Variants in AGBL4 observed in about 807,000 individuals in gnomAD.
The protein encoded by AGBL4 is cytosolic carboxypeptidase 6.
Under a neutral mutation model 66.4 loss-of-function variants are expected in AGBL4, and 58 were observed. That is an observed-to-expected ratio of 0.87 (90% CI 0.71 to 1.09). The LOEUF (loss-of-function observed/expected upper bound fraction) is 1.09. AGBL4 is among the 50% of genes least tolerant of loss of function. The probability of loss-of-function intolerance (pLI) is 0.00; values close to 1 mark genes in which losing one functional copy is unlikely to be tolerated. For synonymous variants in AGBL4, 234 were observed against 222.9 expected, an observed-to-expected ratio of 1.05 and a Z score of -0.44; for missense variants, 579 against 631.0, an observed-to-expected ratio of 0.92 and a Z score of 0.88.
At chr1:50,021,709 A>C (rs1662455019) in intron 1 of AGBL4, among the ~76,000 whole-genome samples, 1 of 151,528 alleles carries the variant, frequency 6.6e-6, no homozygotes, top group African/African-American at 2.4e-5. Context: ...TATCCTCTGT[A>C]CTCTCCTCAA....
chr1:48,893,936 GA>G (rs1228361084), intron 5 of AGBL4, among the ~76,000 whole-genome samples: 1 of 152,142 alleles, frequency 6.6e-6, no homozygotes, highest in Non-Finnish European at 1.5e-5. Flanking sequence ...GACTGACTAA[GA>G]AAATCATCTA....
intron 2 of AGBL4, among the ~76,000 whole-genome samples, chr1:49,755,929 G>A (rs1310625283): frequency 6.6e-6 from 1 of 152,076 alleles, no homozygotes; most frequent in African/African-American, 2.4e-5. Flanking sequence ...ATGACCCAAT[G>A]TCCCTGTTAT....
At chr1:49,612,733 T>C (rs1645177898) in intron 3 of AGBL4, among the ~76,000 whole-genome samples, 1 of 152,180 alleles carries the variant, frequency 6.6e-6, no homozygotes, top group South Asian at 2.1e-4. Context: ...AAATAACAGA[T>C]GCTGCCAAGG....
rs115295685 is a variant in AGBL4, at chr1:49,367,252, G to C, written c.283-121388C>G. ...ACTGGTGGGAGGTATTTGGGTCATG[G>C]GGGTAGACCCTTTATGAATGGCTTG... On this transcript the variant is annotated intron_variant, in intron 3 of 13. Coordinates refer to ENST00000371839, the MANE Select transcript of AGBL4 (RefSeq NM_032785.4). Among the ~76,000 whole-genome samples the C allele has an allele frequency of 6.6e-3, 1,010 of 152,170 alleles. 6 individuals are homozygous for C. Among genetic ancestry groups the C allele is most frequent in the African/African-American group, 0.023 (949 of 41,564 alleles).
chr1:49,077,074 G>A (rs891581503), intron 4 of AGBL4, among the ~76,000 whole-genome samples: 3 of 149,054 alleles, frequency 2.0e-5, no homozygotes, highest in East Asian at 1.9e-4. Context: ...CATCCATATC[G>A]CTTCAGTGAA....
chr1:49,785,468 A>G (rs926753095), intron 2 of AGBL4, among the ~76,000 whole-genome samples: 1 of 152,016 alleles, frequency 6.6e-6, no homozygotes, highest in African/African-American at 2.4e-5. Context: ...ATTACAAATA[A>G]AAATTTTAAT....
At chr1:49,739,548 C>G (rs540629651) in intron 2 of AGBL4, among the ~76,000 whole-genome samples, 96 of 152,282 alleles carry the variant, frequency 6.3e-4, no homozygotes, top group African/African-American at 2.3e-3. Context: ...TCAGGAAATA[C>G]TGAGAACGCC....
At chr1:49,133,689 G>C (rs962583455) in intron 4 of AGBL4, among the ~76,000 whole-genome samples, 11 of 152,060 alleles carry the variant, frequency 7.2e-5, no homozygotes, top group African/African-American at 2.2e-4. Flanking sequence ...ACAATATGTG[G>C]ATGTTCTTCT....
chr1:49,409,768 T>C (rs1645280201), intron 3 of AGBL4, among the ~76,000 whole-genome samples: 1 of 152,234 alleles, frequency 6.6e-6, no homozygotes, highest in Admixed American at 6.5e-5. Context: ...CAATACGTGC[T>C]ACTTTACTTC....
rs372076917 is a variant in AGBL4 at position 49,236,082 on chromosome 1, T to C, written c.377+9688A>G. Among the ~76,000 whole-genome samples the C allele has an allele frequency of 5.9e-5, 9 of 152,084 alleles. No individual in the cohort carries two copies. The East Asian group carries it at 1.4e-3, about 23-fold the overall frequency. ...TCTCACTCTGTCACCCAGGCTGGAGTGCAGTGGCACGATCTTGGCTTACTG... is the reference window on the plus strand; with the variant it reads ...TCTCACTCTGTCACCCAGGCTGGAGCGCAGTGGCACGATCTTGGCTTACTG... On this transcript the variant is annotated intron_variant, in intron 4 of 13. Coordinates refer to ENST00000371839, the MANE Select transcript of AGBL4 (RefSeq NM_032785.4).
chr1:49,608,262 AT>A (rs1571163057), intron 3 of AGBL4, among the ~76,000 whole-genome samples: 1 of 152,134 alleles, frequency 6.6e-6, no homozygotes, highest in Admixed American at 6.5e-5. Flanking sequence ...AAATACAAAT[AT>A]TTTTTAAAAA....
chr1:49,308,014 T>C lies in AGBL4; in HGVS notation c.283-62150A>G, dbSNP rs12028646. 7.9e-3 allele frequency among the ~76,000 whole-genome samples: 1,198 copies of C among 152,146 alleles called. 9 individuals are homozygous for C. The highest frequency in any genetic ancestry group is 0.031 in the Middle Eastern group (9 of 294). ...TTCCCCCTTGGTGCTGTTCTCATGA[T>C]AGTGAGTTCTCATGAGATCAGTTTA... On this transcript the variant is annotated intron_variant, in intron 3 of 13. Transcript: ENST00000371839.
intron 2 of AGBL4, among the ~76,000 whole-genome samples, chr1:49,766,117 G>A (rs1375654782): frequency 6.6e-6 from 1 of 152,158 alleles, no homozygotes; most frequent in Non-Finnish European, 1.5e-5. Context: ...AATGAACACT[G>A]TCAAAGAATA....
At chr1:49,300,937 C>T (rs774662081) in intron 3 of AGBL4, among the ~76,000 whole-genome samples, 35 of 152,176 alleles carry the variant, frequency 2.3e-4, no homozygotes, top group Non-Finnish European at 4.6e-4. Flanking sequence ...TGTGCTTCCA[C>T]TGCCTATACT....
intron 3 of AGBL4, among the ~76,000 whole-genome samples, chr1:49,630,817 A>T (rs1645555796): frequency 6.6e-6 from 1 of 152,176 alleles, no homozygotes; most frequent in Admixed American, 6.5e-5. Flanking sequence ...GCCACAGATG[A>T]TGATAGGAGA....
At chr1:49,620,705 G>A (rs1645342989) in intron 3 of AGBL4, among the ~76,000 whole-genome samples, 1 of 152,116 alleles carries the variant, frequency 6.6e-6, no homozygotes, top group Non-Finnish European at 1.5e-5. Flanking sequence ...CTATCACACA[G>A]TGCAAGGATT....
intron 4 of AGBL4, among the ~76,000 whole-genome samples, chr1:49,208,667 T>C (rs1347592713): frequency 6.6e-6 from 1 of 152,080 alleles, no homozygotes; most frequent in Non-Finnish European, 1.5e-5. Flanking sequence ...CTTACCATAG[T>C]GCATTTGTCC....
chr1:49,844,387 C>G (rs1646082789), intron 2 of AGBL4, among the ~76,000 whole-genome samples: 1 of 152,204 alleles, frequency 6.6e-6, no homozygotes, highest in South Asian at 2.1e-4. Flanking sequence ...CTCCTCTGTG[C>G]TCCCCTCACA....
intron 8 of AGBL4, among the ~76,000 whole-genome samples, chr1:48,652,185 G>A (rs1645941753): frequency 6.6e-6 from 1 of 152,124 alleles, no homozygotes; most frequent in Non-Finnish European, 1.5e-5. Context: ...TTGGGTGATG[G>A]AGCAAGACCC....
Sources: gnomAD v4.1 joint callset for allele counts (sites outside exome capture counted in the v4.1 genomes callset) on GRCh38, gnomAD v4.1.1 for gene constraint, MANE v1.5 for transcripts, NCBI Gene and HGNC (gene_info 2026-07-23, HGNC 2026-07-21) for gene names.